Variants in NEMP2 observed in about 807,000 individuals in gnomAD.
NEMP2 encodes the protein UPF0571 transmembrane protein.
Under a neutral mutation model 54.2 loss-of-function variants are expected in NEMP2, and 53 were observed. The observed-to-expected ratio is 0.98, with a 90% CI of 0.78 to 1.23. The LOEUF (loss-of-function observed/expected upper bound fraction) is 1.23, where lower values mean the gene tolerates loss of function less well. NEMP2 is among the 50% of genes most tolerant of loss of function. The pLI, the probability that NEMP2 is intolerant of heterozygous loss-of-function variation, is 0.00. For missense variants in NEMP2, 455 were observed against 511.3 expected (o/e 0.89, Z 1.06); for synonymous variants, 197 against 190.3 (o/e 1.04, Z -0.29).
the NEMP2 span, among the ~76,000 whole-genome samples, chr2:190,467,949 T>C: frequency 6.6e-6 from 1 of 152,230 alleles, no homozygotes; most frequent in African/African-American, 2.4e-5. The surrounding 1 kb of genome is among the most constrained non-coding windows in gnomAD (Gnocchi z 5.5). Flanking sequence ...CTAAACTGTT[T>C]AATGTGTGGT....
At chr2:190,584,808 C>T in the NEMP2 span, among the ~76,000 whole-genome samples, 1 of 151,536 alleles carries the variant, frequency 6.6e-6, no homozygotes, top group Admixed American at 6.6e-5. The surrounding 1 kb of genome is among the most constrained non-coding windows in gnomAD (Gnocchi z 4.2). Context: ...CCCAGTAGTT[C>T]AAGGTTACAG....
rs899240241 is a variant in NEMP2, at chr2:190,529,296, C to T, written c.98-3918G>A. 2.6e-5 allele frequency among the ~76,000 whole-genome samples: 4 copies of T among 152,174 alleles called. No individual in the cohort carries two copies. Among genetic ancestry groups the T allele is most frequent in the Non-Finnish European group, 5.9e-5 (4 of 68,024 alleles). On this transcript the variant is annotated intron_variant, in intron 1 of 8. Transcript: ENST00000409150. This position sits in a 1 kb window ranked among gnomAD's most constrained non-coding sequence, Gnocchi z 4.7. ...TAAAATCCCCCTCCCTTCCAGGGAC[C>T]TGAGTGCCTCTATGACCTTCCCTCC...
chr2:190,647,318 GA>G, the NEMP2 span, among the ~76,000 whole-genome samples: 7 of 150,134 alleles, frequency 4.7e-5, no homozygotes, highest in East Asian at 1.9e-4. Context: ...TTCGCAAAAA[GA>G]AAAAAAAAGG....
the NEMP2 span, among the ~76,000 whole-genome samples, chr2:190,594,581 T>C: frequency 6.6e-6 from 1 of 152,206 alleles, no homozygotes. The surrounding 1 kb of genome is among the most constrained non-coding windows in gnomAD (Gnocchi z 5.6). Flanking sequence ...TTTTAATGGT[T>C]TTTTTCTTTT....
At chr2:190,576,748 A>T in the NEMP2 span, among the ~76,000 whole-genome samples, 14 of 152,272 alleles carry the variant, frequency 9.2e-5, no homozygotes, top group East Asian at 9.6e-4. Context: ...GTCCAAAGAT[A>T]TGTGAAGCCT....
chr2:190,632,632 A>G, the NEMP2 span, among the ~76,000 whole-genome samples: 1 of 152,190 alleles, frequency 6.6e-6, no homozygotes, highest in Non-Finnish European at 1.5e-5. The surrounding 1 kb of genome is among the most constrained non-coding windows in gnomAD (Gnocchi z 4.8). Context: ...CTCCATCCTC[A>G]TATTATCCAA....
chr2:190,422,793 TTTTTC>T, the NEMP2 span, among the ~76,000 whole-genome samples: 2 of 152,134 alleles, frequency 1.3e-5, no homozygotes, highest in African/African-American at 4.8e-5. Context: ...TCCCTTAATT[TTTTTC>T]TTTTCTTCCT....
chr2:190,644,389 G>C, the NEMP2 span, among the ~76,000 whole-genome samples: 3 of 152,196 alleles, frequency 2.0e-5, no homozygotes, highest in East Asian at 5.8e-4. The surrounding 1 kb of genome is among the most constrained non-coding windows in gnomAD (Gnocchi z 4.4). Flanking sequence ...CAATGTGAAG[G>C]AGCAGTGTTC....
rs74526213 is a variant in NEMP2, at chr2:190,524,710, T to C, written c.213+553A>G. On this transcript the variant is annotated intron_variant, in intron 2 of 8. Coordinates refer to ENST00000409150, the MANE Select transcript of NEMP2 (RefSeq NM_001142645.2). ...ACCATTTTCATCCCTATTTTATTTATTGTTTACTATTCCCCACCCTAGATA... is the reference window on the plus strand; with the variant it reads ...ACCATTTTCATCCCTATTTTATTTACTGTTTACTATTCCCCACCCTAGATA... 4.4e-4 allele frequency among the ~76,000 whole-genome samples: 67 copies of C among 152,352 alleles called. No individual in the cohort carries two copies. In the East Asian group the frequency reaches 0.012, roughly 27 times the overall value.
upstream of NEMP2, among the ~76,000 whole-genome samples, chr2:190,539,417 G>T (rs999703621): frequency 1.2e-4 from 18 of 152,072 alleles, no homozygotes; most frequent in African/African-American, 4.1e-4. The surrounding 1 kb of genome is among the most constrained non-coding windows in gnomAD (Gnocchi z 4.1). Context: ...GCCCAGGATT[G>T]CTCTGGCTAT....
the NEMP2 span, among the ~76,000 whole-genome samples, chr2:190,557,727 C>T: frequency 8.6e-4 from 131 of 152,302 alleles, no homozygotes; most frequent in African/African-American, 2.9e-3. Context: ...AAAAAATGCT[C>T]ATTATCACTG....
At chr2:190,471,313 C>G in the NEMP2 span, among the ~76,000 whole-genome samples, 1 of 152,184 alleles carries the variant, frequency 6.6e-6, no homozygotes, top group Admixed American at 6.5e-5. This position sits in a 1 kb window ranked among gnomAD's most constrained non-coding sequence, Gnocchi z 4.7. Flanking sequence ...CCAGGAAGCA[C>G]AAGGGGTCAG....
the NEMP2 span, among the ~76,000 whole-genome samples, chr2:190,447,511 T>C: frequency 1.3e-5 from 2 of 149,072 alleles, no homozygotes; most frequent in East Asian, 1.9e-4. The surrounding 1 kb of genome is among the most constrained non-coding windows in gnomAD (Gnocchi z 4.5). Context: ...ATAGCACATA[T>C]GAAAAAATGA....
the NEMP2 span, among the ~76,000 whole-genome samples, chr2:190,488,181 G>A: frequency 4.6e-5 from 7 of 152,192 alleles, no homozygotes; most frequent in Non-Finnish European, 1.0e-4. The surrounding 1 kb of genome is among the most constrained non-coding windows in gnomAD (Gnocchi z 6.4). Context: ...GATTACAGGC[G>A]TGAGCCACTG....
At chr2:190,591,270 G>C in the NEMP2 span, among the ~76,000 whole-genome samples, 2 of 152,086 alleles carry the variant, frequency 1.3e-5, no homozygotes, top group Admixed American at 1.3e-4. This position sits in a 1 kb window ranked among gnomAD's most constrained non-coding sequence, Gnocchi z 5.4. Flanking sequence ...GTACAACAAA[G>C]AAACTAATTA....
At chr2:190,591,442 T>C in the NEMP2 span, among the ~76,000 whole-genome samples, 5 of 152,150 alleles carry the variant, frequency 3.3e-5, no homozygotes, top group African/African-American at 1.2e-4. The surrounding 1 kb of genome is among the most constrained non-coding windows in gnomAD (Gnocchi z 5.4). Flanking sequence ...AGAAGGTTCC[T>C]AGTACTGTAG....
chr2:190,574,940 C>T, the NEMP2 span, among the ~76,000 whole-genome samples: 1 of 151,852 alleles, frequency 6.6e-6, no homozygotes, highest in Non-Finnish European at 1.5e-5. Context: ...CTACGATCTC[C>T]ACCTCCTGGG....
At chr2:190,547,639 C>T in the NEMP2 span, among the ~76,000 whole-genome samples, 1 of 152,206 alleles carries the variant, frequency 6.6e-6, no homozygotes, top group Non-Finnish European at 1.5e-5. The surrounding 1 kb of genome is among the most constrained non-coding windows in gnomAD (Gnocchi z 6.2). Context: ...GATTCTCGTG[C>T]TTCAACCTCC....
At chr2:190,539,832 G>A in the NEMP2 span, among the ~76,000 whole-genome samples, 594 of 152,096 alleles carry the variant, frequency 3.9e-3, 7 homozygotes, top group Non-Finnish European at 5.9e-3. The surrounding 1 kb of genome is among the most constrained non-coding windows in gnomAD (Gnocchi z 4.1). Context: ...GAATCTTTAG[G>A]TTTTTCTAAG....
Sources: gnomAD v4.1 joint callset for allele counts (sites outside exome capture counted in the v4.1 genomes callset) on GRCh38, gnomAD v4.1.1 for gene constraint, Gnocchi (gnomAD v3.1) non-coding constraint, MANE v1.5 for transcripts, NCBI Gene and HGNC (gene_info 2026-07-23, HGNC 2026-07-21) for gene names.